The following SLC15A1 variants were observed in gnomAD, a reference collection of about 807,000 sequenced individuals.
The protein encoded by SLC15A1 is solute carrier family 15 member 1.
SLC15A1 carries 83 observed loss-of-function variants against 92.9 expected under a neutral mutation model. The ratio of observed to expected loss-of-function variants is 0.89; its 90% CI spans 0.75 to 1.07. SLC15A1 has a LOEUF of 1.07. Ranked by LOEUF, SLC15A1 falls within the 50% of genes least tolerant of loss-of-function variation. The pLI is 0.00. For synonymous variants in SLC15A1, 322 were observed against 318.2 expected, an observed-to-expected ratio of 1.01 and a Z score of -0.13; for missense variants, 857 against 880.1, an observed-to-expected ratio of 0.97 and a Z score of 0.33.
At chr13:98,700,802 T>C (rs181471677) in intron 18 of SLC15A1, among the ~76,000 whole-genome samples, 49 of 152,342 alleles carry the variant, frequency 3.2e-4, no homozygotes, top group African/African-American at 1.1e-3. Context: ...ACACTGATTG[T>C]TGAAAATACT....
At chr13:98,710,571 T>C (rs1444287127) in intron 11 of SLC15A1, among the ~76,000 whole-genome samples, 1 of 151,938 alleles carries the variant, frequency 6.6e-6, no homozygotes, top group South Asian at 2.1e-4. Context: ...ATTCCAGCAC[T>C]TTGGGAGGCC....
Position 98,715,891 on chromosome 13 carries a change from G to C in SLC15A1, c.710C>G (p.Ala237Gly). 1 of 1,614,032 alleles carries C rather than the reference G, an allele frequency of 6.2e-7. No individual in the cohort carries two copies. The highest frequency in any genetic ancestry group is 1.6e-4 in the Middle Eastern group (1 of 6,062). Residue 237 changes from alanine (A) to glycine (G), a missense_variant, in exon 9 of 23, where the codon GCC (alanine) becomes GGC (glycine). Ala to Gly is a moderately conservative substitution (Grantham distance 60). Transcript: ENST00000376503. ...KPQGNIMGKV[A>G]KCIGFAIKNR... Reference sequence around the variant, plus strand: ...TGAGATACTTACACCGATGCACTTGGCCACTTTACCCATGATGTTGCCCTG... The same window carrying C: ...TGAGATACTTACACCGATGCACTTGCCCACTTTACCCATGATGTTGCCCTG...
At chr13:98,707,891 T>TAAAAAAAAA (rs745924829) in intron 15 of SLC15A1, among the ~76,000 whole-genome samples, 2 of 106,850 alleles carry the variant, frequency 1.9e-5, no homozygotes, top group African/African-American at 7.9e-5. Context: ...AGACCCTGTT[T>TAAAAAAAAA]AAAAAAAAAA....
At position 98,726,443 on chromosome 13, in the gene SLC15A1, A is replaced by G. The variant is rs781352314; in HGVS notation, c.28T>C (p.Phe10Leu). ...AAGAAGATGCTCAGGGGATAACCAA[A>G]GAAACTCTGACAAAAAAGAAACAAG... is the stretch of plus-strand genomic sequence containing the variant. Reference protein sequence around the residue: MGMSKSHSFFGYPLSIFFIV... With the variant: MGMSKSHSFLGYPLSIFFIV... The change falls in exon 3 of 23, where the codon TTT becomes CTT. Residue 10 changes from phenylalanine (F) to leucine (L), a missense_variant. Phe to Leu is a conservative substitution (Grantham distance 22, BLOSUM62 0). Coordinates refer to ENST00000376503, the MANE Select transcript of SLC15A1 (RefSeq NM_005073.4). 2.5e-6 allele frequency: 4 copies of G among 1,613,910 alleles called. No homozygotes were observed. In the South Asian group the frequency reaches 4.4e-5, roughly 18 times the overall value.
At chr13:98,736,540 C>T (rs1161968911) in intron 1 of SLC15A1, among the ~76,000 whole-genome samples, 1 of 152,132 alleles carries the variant, frequency 6.6e-6, no homozygotes, top group Non-Finnish European at 1.5e-5. Flanking sequence ...AAACTGCCAT[C>T]GGAGTGAACA....
At chr13:98,712,046 A>G (rs2088168048) in intron 10 of SLC15A1, 103 bp from the exon 11 acceptor site, 1 of 800,060 alleles carries the variant, frequency 1.2e-6, no homozygotes, top group Non-Finnish European at 2.1e-6. Flanking sequence ...AGATATTTGC[A>G]TCTAGAGGCA....
intron 16 of SLC15A1, among the ~76,000 whole-genome samples, chr13:98,705,280 C>T (rs914855522): frequency 6.6e-6 from 1 of 151,020 alleles, no homozygotes; most frequent in Non-Finnish European, 1.5e-5. Flanking sequence ...GTGATTCTGA[C>T]ATGGGCTGGA....
At chr13:98,688,415 T>C (rs371720367) in intron 19 of SLC15A1, 55 bp downstream of exon 19, 1 of 1,605,246 alleles carries the variant, frequency 6.2e-7, no homozygotes, top group African/African-American at 1.3e-5. Context: ...TTCAATGCAT[T>C]TTTTAAAGAA....
At chr13:98,697,252 C>T (rs1408305832) in intron 18 of SLC15A1, among the ~76,000 whole-genome samples, 2 of 152,120 alleles carry the variant, frequency 1.3e-5, no homozygotes, top group Non-Finnish European at 2.9e-5. Context: ...GACGGAGTTT[C>T]ACCATGTTGG....
At chr13:98,699,640 G>A (rs1310720564) in intron 18 of SLC15A1, among the ~76,000 whole-genome samples, 2 of 152,134 alleles carry the variant, frequency 1.3e-5, no homozygotes, top group African/African-American at 2.4e-5. Context: ...ATCTAGGAGT[G>A]GGATGGCTGG....
chr13:98,691,199 G>A (rs1316367615), intron 18 of SLC15A1, among the ~76,000 whole-genome samples: 4 of 151,996 alleles, frequency 2.6e-5, no homozygotes, highest in East Asian at 1.9e-4. Context: ...CCCCGCCACC[G>A]CACCTGGCTA....
chr13:98,752,616 C>T lies in SLC15A1; in HGVS notation c.-18G>A. The T allele has an allele frequency of 5.6e-6, 7 of 1,253,022 alleles. No homozygotes were observed. In the South Asian group the frequency reaches 9.9e-5, roughly 18 times the overall value. The allele number at this position is 1,253,022 out of a possible 1,614,324, so 77.6% of individuals were successfully genotyped here. ...GTACCCATGGCGGCGGCTCCCAGGG[C>T]TCCTGCGACCTGCCGGCGGGACGTG... On this transcript the variant is annotated 5_prime_UTR_variant, in exon 1 of 23. Transcript: ENST00000376503.
intron 8 of SLC15A1, among the ~76,000 whole-genome samples, chr13:98,718,063 T>C (rs1190598011): frequency 6.6e-6 from 1 of 151,950 alleles, no homozygotes; most frequent in African/African-American, 2.4e-5. Context: ...GGGGAGGTGA[T>C]ACTAGTTTGG....
intron 7 of SLC15A1, chr13:98,720,467 G>A (rs560471703): frequency 1.3e-5 from 2 of 152,252 alleles, no homozygotes; most frequent in Admixed American, 6.5e-5. Context: ...AATAAAACAA[G>A]TTGGAATGGG....
intron 18 of SLC15A1, among the ~76,000 whole-genome samples, chr13:98,693,056 C>T (rs895750067): frequency 2.7e-5 from 4 of 150,274 alleles, no homozygotes; most frequent in African/African-American, 7.4e-5. Context: ...CCAGTTTACC[C>T]GCATCCTTAA....
At chr13:98,750,456 T>C (rs1411635118) in intron 1 of SLC15A1, among the ~76,000 whole-genome samples, 1 of 152,162 alleles carries the variant, frequency 6.6e-6, no homozygotes, top group Admixed American at 6.5e-5. Context: ...GGATTCTCCT[T>C]GCCTCTGTTA....
At chr13:98,734,593 C>T (rs12855410) in intron 1 of SLC15A1, among the ~76,000 whole-genome samples, 7,645 of 152,186 alleles carry the variant, frequency 0.05, 226 homozygotes, top group African/African-American at 0.059. Context: ...ACTTTTCCAA[C>T]GGTCTTAGCA....
chr13:98,701,846 A>T (rs9584913), intron 18 of SLC15A1, among the ~76,000 whole-genome samples: 19,086 of 151,190 alleles, frequency 0.13, 1,734 homozygotes, highest in African/African-American at 0.25. Flanking sequence ...ATTTTTTTTA[A>T]AAATTTTTAT....
chr13:98,725,931 C>T (rs371119795), intron 4 of SLC15A1, among the ~76,000 whole-genome samples, 192 bp downstream of exon 4: 2 of 152,082 alleles, frequency 1.3e-5, no homozygotes, highest in South Asian at 4.1e-4. Context: ...CACTATGTTG[C>T]CCAGGCTGGT....
Sources: gnomAD v4.1 joint callset for allele counts (sites outside exome capture counted in the v4.1 genomes callset) on GRCh38, gnomAD v4.1.1 for gene constraint, MANE v1.5 for transcripts, NCBI Gene and HGNC (gene_info 2026-07-23, HGNC 2026-07-21) for gene names.